The following MDM1 variants were observed in gnomAD, a reference collection of about 807,000 sequenced individuals.
The protein encoded by MDM1 is stabilizer of axonemal microtubules 6, also known as Mdm1 nuclear protein.
Under a neutral mutation model 89.1 loss-of-function variants are expected in MDM1, and 61 were observed. The ratio of observed to expected loss-of-function variants is 0.68; its 90% CI spans 0.56 to 0.85. MDM1 has a LOEUF of 0.85. Ranked by LOEUF, MDM1 falls within the 40% of genes least tolerant of loss-of-function variation. The pLI is 0.00. For synonymous variants in MDM1, 290 were observed against 294.1 expected (o/e 0.99, Z 0.14); for missense variants, 820 against 846.5 (o/e 0.97, Z 0.39).
chr12:68,326,514 C>T, intron 3 of MDM1, 143 bp downstream of exon 3: 2 of 1,567,732 alleles, frequency 1.3e-6, no homozygotes, highest in Non-Finnish European at 1.7e-6. Context: ...AGTCAACAGC[C>T]TGTTATCAAC....
intron 7 of MDM1, 61 bp downstream of exon 7, chr12:68,321,286 A>C (rs1358617073): frequency 7.6e-7 from 1 of 1,316,298 alleles, no homozygotes; most frequent in African/African-American, 1.5e-5. Context: ...CTCGTTGTGA[A>C]ATTAAAGTGT....
chr12:68,323,425 T>C, intron 4 of MDM1, 185 bp from the exon 5 acceptor site: 2 of 475,726 alleles, frequency 4.2e-6, no homozygotes, highest in Non-Finnish European at 7.3e-6. Flanking sequence ...CTCATTACTA[T>C]GTTTTGAATA....
At chr12:68,325,281 A>G in intron 4 of MDM1, 160 bp downstream of exon 4, 1 of 1,303,494 alleles carries the variant, frequency 7.7e-7, no homozygotes, top group Non-Finnish European at 9.8e-7. Flanking sequence ...CATAAATCAT[A>G]AGTAATAGGA....
In MDM1 at chr12:68,295,126, TC is replaced by T. The variant is rs1277834986; in HGVS notation, c.*127del. ...TGTTAACAATTTCCAAGTAAACTGTTCTATTGGAAATTAAATATTTCAAAGT... is the reference window on the plus strand; with the variant it reads ...TGTTAACAATTTCCAAGTAAACTGTTTATTGGAAATTAAATATTTCAAAGT... On this transcript the variant is annotated 3_prime_UTR_variant, in exon 15 of 15. Coordinates refer to ENST00000682720, the MANE Select transcript of MDM1 (RefSeq NM_001354969.2). The T allele has an allele frequency of 1.7e-6, 1 of 583,520 alleles. No homozygotes were observed. Among genetic ancestry groups the T allele is most frequent in the Non-Finnish European group, 3.1e-6 (1 of 325,500 alleles). The allele number at this position is 583,520 out of a possible 1,614,324, so 36.1% of individuals were successfully genotyped here. A position where few individuals can be genotyped will look rare whatever the true frequency, so the allele number is the denominator to read the frequency against.
chr12:68,304,204 A>ATT (rs1445314022), intron 12 of MDM1, among the ~76,000 whole-genome samples: 1 of 152,212 alleles, frequency 6.6e-6, no homozygotes, highest in East Asian at 1.9e-4. Flanking sequence ...TTAGGCCAGG[A>ATT]GTTTGACCAG....
intron 12 of MDM1, among the ~76,000 whole-genome samples, chr12:68,306,041 A>T (rs997402192): frequency 1.3e-5 from 2 of 152,132 alleles, no homozygotes; most frequent in Non-Finnish European, 2.9e-5. Context: ...AGCAACCACA[A>T]CATCATGGTA....
intron 12 of MDM1, among the ~76,000 whole-genome samples, chr12:68,311,796 G>A (rs1873730022): frequency 6.6e-6 from 1 of 152,166 alleles, no homozygotes; most frequent in Non-Finnish European, 1.5e-5. Flanking sequence ...AATTATCTGT[G>A]GCAGCTTTCT....
rs758624472 is a variant in MDM1, at chr12:68,326,468, C to A, written c.498+189G>T. The A allele has an allele frequency of 4.0e-6, 6 of 1,482,122 alleles. No individual in the cohort carries two copies. The East Asian group carries it at 1.5e-4, about 36-fold the overall frequency. 91.8% of individuals were successfully genotyped at this position (1,482,122 alleles called of 1,614,324 possible). A position where few individuals can be genotyped will look rare whatever the true frequency, so the allele number is the denominator to read the frequency against. On this transcript the variant is annotated intron_variant, in intron 3 of 14. Coordinates refer to ENST00000682720, the MANE Select transcript of MDM1 (RefSeq NM_001354969.2). The stretch of plus-strand genomic sequence containing the variant: ...TCATAGTACAACTACTACAAAATAG[C>A]GAGTAGTCAGAATAGAACTAATTCA...
At position 68,332,246 on chromosome 12, in the gene MDM1, G is replaced by T. The variant is rs990876350; in HGVS notation, c.-1C>A. 1 of 1,583,072 alleles carries T rather than the reference G, an allele frequency of 6.3e-7. No individual in the cohort carries two copies. Among genetic ancestry groups the T allele is most frequent in the South Asian group, 1.2e-5 (1 of 86,886 alleles). On this transcript the variant is annotated 5_prime_UTR_variant, in exon 1 of 15. Transcript: ENST00000682720. ...GCCTCACCTTGAAGCGCACCGGCATGTCGCCCGGCGCCGGAGCCCCCGCTA... is the reference window on the plus strand; with the variant it reads ...GCCTCACCTTGAAGCGCACCGGCATTTCGCCCGGCGCCGGAGCCCCCGCTA...
In MDM1 at chr12:68,332,147, A is replaced by C; in HGVS notation, c.18+81T>G. On this transcript the variant is annotated intron_variant, in intron 1 of 14. Transcript: ENST00000682720. ...CGGGCAGAGGGCTGCAGCGCAGAAA[A>C]GCAGCGTGACCTCGGCGCTCCACAC... 2.7e-6 allele frequency: 4 copies of C among 1,502,906 alleles called. No individual in the cohort carries two copies. In the South Asian group the frequency reaches 5.0e-5, roughly 19 times the overall value. The allele number at this position is 1,502,906 out of a possible 1,614,324, so 93.1% of individuals were successfully genotyped here.
rs776303234 is a variant in MDM1 at position 68,315,056 on chromosome 12, T to C, written c.1421A>G (p.Asp474Gly). ...CCTGTCCCCTTCCTCTTCATTGTCGTCCTCCTCCTCTTTCTCCCCGGGCTG... is the reference window on the plus strand; with the variant it reads ...CCTGTCCCCTTCCTCTTCATTGTCGCCCTCCTCCTCTTTCTCCCCGGGCTG... ...QKQPGEKEEEDDNEEEGDRKT... is the reference protein window; with the variant it reads ...QKQPGEKEEEGDNEEEGDRKT... The change falls in exon 10 of 15, where the codon GAC (aspartate) becomes GGC (glycine). Residue 474 changes from aspartate to glycine, a missense_variant. Coordinates refer to ENST00000682720, the MANE Select transcript of MDM1 (RefSeq NM_001354969.2). The C allele has an allele frequency of 1.5e-5, 24 of 1,613,926 alleles. No homozygotes were observed. The highest frequency in any genetic ancestry group is 3.3e-5 in the Admixed American group (2 of 59,982).
intron 12 of MDM1, 105 bp from the exon 13 acceptor site, chr12:68,302,977 G>C: frequency 9.8e-7 from 1 of 1,024,340 alleles, no homozygotes; most frequent in Non-Finnish European, 1.4e-6. Context: ...AGCAGAAGGA[G>C]AAATATGAGA....
chr12:68,326,456 A>C, intron 3 of MDM1: 6 of 1,474,474 alleles, frequency 4.1e-6, no homozygotes, highest in Non-Finnish European at 5.4e-6. Context: ...TAGTACAACT[A>C]CTACAAAATA....
intron 14 of MDM1, among the ~76,000 whole-genome samples, chr12:68,296,434 G>A (rs1187699302): frequency 6.6e-6 from 1 of 152,170 alleles, no homozygotes. Flanking sequence ...GGAGGCAGAG[G>A]CTGCAGTGAG....
intron 4 of MDM1, among the ~76,000 whole-genome samples, chr12:68,324,631 G>T (rs1464222862): frequency 2.0e-5 from 3 of 152,052 alleles, no homozygotes; most frequent in Non-Finnish European, 2.9e-5. Flanking sequence ...GAATGTTGAC[G>T]TACAGGAGAA....
chr12:68,332,070 G>A, intron 1 of MDM1, 158 bp downstream of exon 1: 4 of 912,830 alleles, frequency 4.4e-6, no homozygotes, highest in African/African-American at 1.6e-5. Context: ...TTAAGAGGCG[G>A]CGGGCAGATT....
chr12:68,297,872 G>T (rs756109473), intron 13 of MDM1, among the ~76,000 whole-genome samples: 3 of 152,156 alleles, frequency 2.0e-5, no homozygotes, highest in Non-Finnish European at 2.9e-5. Flanking sequence ...AAATTAAAAA[G>T]AGCAAAAATC....
At chr12:68,329,257 C>T (rs1012313322) in intron 2 of MDM1, among the ~76,000 whole-genome samples, 1 of 152,140 alleles carries the variant, frequency 6.6e-6, no homozygotes, top group African/African-American at 2.4e-5. Context: ...TGAAGTTTGC[C>T]GCTGGGTCAG....
chr12:68,303,430 C>A (rs1206703203), intron 12 of MDM1, among the ~76,000 whole-genome samples: 1 of 151,212 alleles, frequency 6.6e-6, no homozygotes, highest in Non-Finnish European at 1.5e-5. Flanking sequence ...TTCTGGGGGG[C>A]CGGCAAAACA....
Sources: allele counts gnomAD v4.1 joint callset (sites outside exome capture counted in the v4.1 genomes callset), GRCh38; gene constraint gnomAD v4.1.1; transcripts MANE v1.5; gene names NCBI Gene and HGNC (gene_info 2026-07-23, HGNC 2026-07-21).